TAX1BP1: variants seen among roughly 807,000 people sequenced by gnomAD.
TAX1BP1 encodes tax1-binding protein 1.
A neutral mutation model predicts 97.7 loss-of-function variants in TAX1BP1; 62 were observed. The ratio of observed to expected loss-of-function variants is 0.63; its 90% CI spans 0.52 to 0.78. The LOEUF is 0.78. Among genes scored for constraint, TAX1BP1 ranks in the 30% least tolerant of loss-of-function variants. The pLI, the probability that TAX1BP1 is intolerant of heterozygous loss-of-function variation, is 0.00. For synonymous variants in TAX1BP1, 340 were observed against 304.2 expected (o/e 1.12, Z -1.23); for missense variants, 867 against 916.1 (o/e 0.95, Z 0.69).
At chr7:27,803,677 A>G (rs1337230296) in intron 13 of TAX1BP1, among the ~76,000 whole-genome samples, 1 of 151,312 alleles carries the variant, frequency 6.6e-6, no homozygotes, top group East Asian at 1.9e-4. Context: ...ATGTGCTCAC[A>G]GTAGAGAAAA....
At chr7:27,814,066 G>A (rs1790666915) in intron 13 of TAX1BP1, among the ~76,000 whole-genome samples, 1 of 150,944 alleles carries the variant, frequency 6.6e-6, no homozygotes, top group South Asian at 2.1e-4. Flanking sequence ...AAAGTGCTGG[G>A]ATTACAGGTG....
chr7:27,800,170 T>A (rs1790078382), intron 13 of TAX1BP1, 80 bp downstream of exon 13: 1 of 1,291,374 alleles, frequency 7.7e-7, no homozygotes. Context: ...TTCAATCTAA[T>A]GTACATTTTA....
chr7:27,808,151 A>G (rs932117293), intron 13 of TAX1BP1, among the ~76,000 whole-genome samples: 2 of 152,122 alleles, frequency 1.3e-5, no homozygotes, highest in Admixed American at 1.3e-4. Context: ...CTGTAGGTGT[A>G]CCCTCATTGA....
intron 2 of TAX1BP1, among the ~76,000 whole-genome samples, chr7:27,754,277 CCTT>C (rs1159528930): frequency 2.6e-5 from 4 of 151,450 alleles, no homozygotes; most frequent in Admixed American, 6.6e-5. Context: ...TTTTTTTCCT[CCTT>C]CTTCTCTTTT....
At chr7:27,816,273 C>G in intron 13 of TAX1BP1, 76 bp from the exon 14 acceptor site, 1 of 1,161,044 alleles carries the variant, frequency 8.6e-7, no homozygotes, top group Non-Finnish European at 1.2e-6. Context: ...TATATTTTGA[C>G]TAAATGTTTA....
chr7:27,769,094 C>T (rs750109720), intron 4 of TAX1BP1, among the ~76,000 whole-genome samples: 12 of 151,886 alleles, frequency 7.9e-5, no homozygotes, highest in Non-Finnish European at 1.8e-4. Context: ...TTGTTACAGT[C>T]TGCATGTTTG....
chr7:27,814,530 C>T (rs1727072543), intron 13 of TAX1BP1, among the ~76,000 whole-genome samples: 1 of 152,042 alleles, frequency 6.6e-6, no homozygotes, highest in Non-Finnish European at 1.5e-5. Flanking sequence ...TTTGTTTATG[C>T]TCTTCTTAAT....
chr7:27,754,740 T>C (rs2128308501), intron 2 of TAX1BP1, among the ~76,000 whole-genome samples: 1 of 152,034 alleles, frequency 6.6e-6, no homozygotes, highest in South Asian at 2.1e-4. Flanking sequence ...GCCCGGCTAA[T>C]TTTTTTAAAT....
intron 2 of TAX1BP1, among the ~76,000 whole-genome samples, chr7:27,750,440 A>G (rs916983952): frequency 1.3e-5 from 2 of 152,338 alleles, no homozygotes; most frequent in Non-Finnish European, 2.9e-5. Flanking sequence ...TCTGGTCTCA[A>G]GCATTTCGGA....
At chr7:27,762,338 C>G (rs1413881179) in intron 3 of TAX1BP1, among the ~76,000 whole-genome samples, 1 of 151,972 alleles carries the variant, frequency 6.6e-6, no homozygotes, top group African/African-American at 2.4e-5. Flanking sequence ...TTCCTGAAAG[C>G]TGTTGGTTTA....
chr7:27,811,792 C>T (rs1156595506), intron 13 of TAX1BP1, among the ~76,000 whole-genome samples: 1 of 152,146 alleles, frequency 6.6e-6, no homozygotes, highest in Non-Finnish European at 1.5e-5. Context: ...CCTAGAAAAC[C>T]TCTGGTCTGC....
intron 8 of TAX1BP1, among the ~76,000 whole-genome samples, chr7:27,789,385 G>T (rs1351104890): frequency 6.6e-6 from 1 of 151,730 alleles, no homozygotes; most frequent in Non-Finnish European, 1.5e-5. Context: ...TTACTCTGAG[G>T]TCTCAATCTC....
intron 2 of TAX1BP1, among the ~76,000 whole-genome samples, chr7:27,755,094 A>G (rs1271995803): frequency 6.6e-6 from 1 of 152,174 alleles, no homozygotes; most frequent in Non-Finnish European, 1.5e-5. Context: ...TTTTTCCTAA[A>G]GGAACTTTTC....
chr7:27,807,322 T>A (rs1790377798), intron 13 of TAX1BP1, among the ~76,000 whole-genome samples: 1 of 152,144 alleles, frequency 6.6e-6, no homozygotes, highest in Non-Finnish European at 1.5e-5. Flanking sequence ...TGAAATTGTA[T>A]CCTTAGTACT....
intron 7 of TAX1BP1, 131 bp downstream of exon 7, chr7:27,785,620 C>A: frequency 1.4e-6 from 1 of 725,160 alleles, no homozygotes; most frequent in Non-Finnish European, 2.3e-6. Context: ...TGTGTAGTTG[C>A]AGTCAGGATG....
intron 5 of TAX1BP1, among the ~76,000 whole-genome samples, chr7:27,783,790 T>C (rs1039719682): frequency 6.6e-6 from 1 of 152,194 alleles, no homozygotes; most frequent in African/African-American, 2.4e-5. Flanking sequence ...TGAACATTAT[T>C]TAGAAACCTC....
intron 15 of TAX1BP1, among the ~76,000 whole-genome samples, chr7:27,824,527 G>A (rs554711671): frequency 2.2e-5 from 3 of 134,926 alleles, no homozygotes; most frequent in Admixed American, 8.1e-5. Context: ...GCACTCCTGG[G>A]TGACAGAGCA....
chr7:27,810,553 C>T lies in TAX1BP1; in HGVS notation c.1765-5796C>T, dbSNP rs896422228. 2.6e-5 allele frequency among the ~76,000 whole-genome samples: 4 copies of T among 152,152 alleles called. No individual in the cohort carries two copies. In the East Asian group the frequency reaches 7.7e-4, roughly 29 times the overall value. ...TTATTGTTTTGCTAGATTAACCTTA[C>T]CAAGGACCATTTTTACCGTGTTGTT... On this transcript the variant is annotated intron_variant, in intron 13 of 16. Coordinates refer to ENST00000396319, the MANE Select transcript of TAX1BP1 (RefSeq NM_006024.7).
At chr7:27,761,278 T>G (rs184619591) in intron 3 of TAX1BP1, among the ~76,000 whole-genome samples, 2 of 152,306 alleles carry the variant, frequency 1.3e-5, no homozygotes, top group East Asian at 3.9e-4. Flanking sequence ...TTTCCTTTAT[T>G]TTAACATCTT....
Sources: gnomAD v4.1 joint callset for allele counts (sites outside exome capture counted in the v4.1 genomes callset) on GRCh38, gnomAD v4.1.1 for gene constraint, MANE v1.5 for transcripts, NCBI Gene and HGNC (gene_info 2026-07-23, HGNC 2026-07-21) for gene names.